CHL1: variants seen among roughly 807,000 people sequenced by gnomAD.
The protein encoded by CHL1 is neural cell adhesion molecule L1-like protein.
A neutral mutation model predicts 141.9 loss-of-function variants in CHL1; 96 were observed. The ratio of observed to expected loss-of-function variants is 0.68; its 90% CI spans 0.57 to 0.80. The LOEUF (loss-of-function observed/expected upper bound fraction) is 0.80. Among genes scored for constraint, CHL1 ranks in the 30% least tolerant of loss-of-function variants. The pLI is 0.00. For missense variants in CHL1, 1,820 were observed against 1,457.2 expected (o/e 1.25, Z -4.05); for synonymous variants, 613 against 502.2 (o/e 1.22, Z -2.95).
chr3:386,711 C>T (rs11920874), intron 19 of CHL1, among the ~76,000 whole-genome samples: 1,917 of 152,130 alleles, frequency 0.013, 43 homozygotes, highest in African/African-American at 0.044. Flanking sequence ...GTTATATAAT[C>T]GCATCCAAGA....
At chr3:317,892 T>C (rs1210533200) in intron 2 of CHL1, among the ~76,000 whole-genome samples, 2 of 151,896 alleles carry the variant, frequency 1.3e-5, no homozygotes, top group Non-Finnish European at 2.9e-5. Flanking sequence ...TCAATTAACA[T>C]AGTGACACAT....
intron 2 of CHL1, among the ~76,000 whole-genome samples, chr3:302,957 A>G (rs918106135): frequency 6.6e-6 from 1 of 152,186 alleles, no homozygotes; most frequent in African/African-American, 2.4e-5. Context: ...AGTTTTCTGC[A>G]TATGGCTACC....
intron 2 of CHL1, among the ~76,000 whole-genome samples, chr3:299,594 T>C (rs1270794995): frequency 2.0e-5 from 3 of 152,230 alleles, no homozygotes; most frequent in Admixed American, 6.5e-5. Context: ...TAGGAGGATG[T>C]AACATCTTGA....
At chr3:231,005 G>A (rs1417122156) in intron 1 of CHL1, among the ~76,000 whole-genome samples, 1 of 152,120 alleles carries the variant, frequency 6.6e-6, no homozygotes, top group Non-Finnish European at 1.5e-5. Context: ...TGATCCTAAT[G>A]GGGTTAAGAA....
intron 2 of CHL1, among the ~76,000 whole-genome samples, chr3:273,389 G>GT (rs1218941408): frequency 2.0e-5 from 3 of 152,122 alleles, no homozygotes; most frequent in Non-Finnish European, 2.9e-5. Context: ...GTTTAGCTAT[G>GT]TTTTTCCACA....
At chr3:218,690 G>A (rs761842031) in intron 1 of CHL1, among the ~76,000 whole-genome samples, 10 of 152,148 alleles carry the variant, frequency 6.6e-5, no homozygotes, top group Non-Finnish European at 1.2e-4. Context: ...ATGATTTATT[G>A]TGATATAAAG....
At position 271,840 on chromosome 3, in the gene CHL1, A is replaced by G. The variant is rs139575072; in HGVS notation, c.-95+27148A>G. On this transcript the variant is annotated intron_variant, in intron 2 of 27. Coordinates refer to ENST00000256509, the MANE Select transcript of CHL1 (RefSeq NM_006614.4). ...GGAAGCATCTTAGTTCTTCCATTTA[A>G]TACACATGTGATGTTTGAAGCACTC... 4.1e-3 allele frequency among the ~76,000 whole-genome samples: 628 copies of G among 152,310 alleles called. 11 individuals are homozygous for G. The highest frequency in any genetic ancestry group is 0.023 in the South Asian group (109 of 4,818).
At chr3:354,902 A>AGATTGTTT in intron 11 of CHL1, 131 bp downstream of exon 11, 1 of 1,150,388 alleles carries the variant, frequency 8.7e-7, no homozygotes. Context: ...AGCAAATCAG[A>AGATTGTTT]GATTGTTTAT....
intron 15 of CHL1, among the ~76,000 whole-genome samples, chr3:367,189 C>T (rs1705010390): frequency 1.3e-5 from 2 of 152,240 alleles, no homozygotes; most frequent in South Asian, 2.1e-4. Context: ...AGAAAGTCAG[C>T]TTCGCGTCCT....
chr3:364,739 G>C (rs775965485), intron 14 of CHL1, among the ~76,000 whole-genome samples: 1 of 152,096 alleles, frequency 6.6e-6, no homozygotes. Context: ...AGGCAGATTT[G>C]GGTTCAAATC....
intron 1 of CHL1, among the ~76,000 whole-genome samples, chr3:216,231 C>T (rs1380399304): frequency 6.6e-6 from 1 of 152,174 alleles, no homozygotes; most frequent in African/African-American, 2.4e-5. Context: ...TATTGTCTTA[C>T]TGGTATTTGC....
intron 16 of CHL1, among the ~76,000 whole-genome samples, chr3:381,395 C>G (rs1453390504): frequency 6.6e-6 from 1 of 152,178 alleles, no homozygotes; most frequent in Non-Finnish European, 1.5e-5. Flanking sequence ...GAAAGGAAGA[C>G]ACTTATCTGC....
chr3:225,735 C>A (rs967618580), intron 1 of CHL1, among the ~76,000 whole-genome samples: 4 of 151,972 alleles, frequency 2.6e-5, no homozygotes, highest in African/African-American at 9.7e-5. Context: ...TATGGCCAAG[C>A]GTGGTGGCTC....
chr3:252,396 A>ATG (rs1357698478), intron 2 of CHL1, among the ~76,000 whole-genome samples: 1 of 139,802 alleles, frequency 7.2e-6, no homozygotes, highest in Non-Finnish European at 1.6e-5. Flanking sequence ...ATATATATAT[A>ATG]TATATTTCTA....
chr3:391,040 A>G lies in CHL1; in HGVS notation c.2672A>G (p.Asn891Ser). Reference protein sequence around the residue: ...VNILRFSGQRNSGMVPSLDAF... With the variant: ...VNILRFSGQRSSGMVPSLDAF... ...ATTCTAAGATTTTCAGGACAAAGAA[A>G]CTCTGGAATGGTTCCTTCCTTAGAT... is the stretch of plus-strand genomic sequence containing the variant. The change falls in exon 22 of 28, where the codon AAC (asparagine) becomes AGC (serine). Residue 891 changes from asparagine (N) to serine (S), a missense_variant. Asn to Ser is a conservative substitution (Grantham distance 46). Transcript: ENST00000256509. The G allele has an allele frequency of 6.2e-7, 1 of 1,614,010 alleles. No homozygotes were observed. The highest frequency in any genetic ancestry group is 1.6e-4 in the Middle Eastern group (1 of 6,062).
intron 2 of CHL1, among the ~76,000 whole-genome samples, chr3:304,007 G>C (rs1011527714): frequency 1.3e-5 from 2 of 152,184 alleles, no homozygotes; most frequent in Non-Finnish European, 2.9e-5. Flanking sequence ...CATTGGTTCT[G>C]TTTGTGTGAT....
chr3:237,950 C>T (rs1053056162), intron 1 of CHL1, among the ~76,000 whole-genome samples: 1 of 152,090 alleles, frequency 6.6e-6, no homozygotes, highest in African/African-American at 2.4e-5. Flanking sequence ...TTCACATTGC[C>T]TATATAAGGT....
intron 1 of CHL1, among the ~76,000 whole-genome samples, chr3:242,408 A>C (rs999974397): frequency 7.2e-6 from 1 of 139,666 alleles, no homozygotes; most frequent in Non-Finnish European, 1.6e-5. Flanking sequence ...CATCCTGGCT[A>C]ACACGGTGAA....
chr3:312,385 C>T (rs1699826849), intron 2 of CHL1, among the ~76,000 whole-genome samples: 1 of 152,172 alleles, frequency 6.6e-6, no homozygotes, highest in Non-Finnish European at 1.5e-5. Flanking sequence ...ACAGTGTTTC[C>T]TTTGTTTTCA....
Sources: gnomAD v4.1 joint callset for allele counts (sites outside exome capture counted in the v4.1 genomes callset) on GRCh38, gnomAD v4.1.1 for gene constraint, MANE v1.5 for transcripts, NCBI Gene and HGNC (gene_info 2026-07-23, HGNC 2026-07-21) for gene names.